The following IMMP2L variants were observed in gnomAD, a reference collection of about 807,000 sequenced individuals.
IMMP2L encodes the protein mitochondrial inner membrane protease subunit 2.
Under a neutral mutation model 19.3 loss-of-function variants are expected in IMMP2L, and 18 were observed. The ratio of observed to expected loss-of-function variants is 0.93; its 90% CI spans 0.64 to 1.38. IMMP2L has a LOEUF of 1.38. Among genes scored for constraint, IMMP2L ranks in the 40% most tolerant of loss-of-function variants. The pLI, the probability that IMMP2L is intolerant of heterozygous loss-of-function variation, is 0.00. For missense variants in IMMP2L, 233 were observed against 218.2 expected, an observed-to-expected ratio of 1.07 and a Z score of -0.43; for synonymous variants, 76 against 73.0, an observed-to-expected ratio of 1.04 and a Z score of -0.21.
intron 3 of IMMP2L, among the ~76,000 whole-genome samples, chr7:111,074,059 T>G (rs1795180600): frequency 6.6e-6 from 1 of 152,192 alleles, no homozygotes; most frequent in South Asian, 2.1e-4. Context: ...GGACTCTGCT[T>G]TGTTACCCAG....
chr7:111,396,758 G>T (rs536138668), intron 3 of IMMP2L, among the ~76,000 whole-genome samples: 1 of 152,210 alleles, frequency 6.6e-6, no homozygotes, highest in East Asian at 1.9e-4. Flanking sequence ...TCTGTAGTTT[G>T]TAACTTTTTC....
chr7:111,075,392 T>C (rs1795314733), intron 3 of IMMP2L, among the ~76,000 whole-genome samples: 1 of 152,126 alleles, frequency 6.6e-6, no homozygotes, highest in Admixed American at 6.6e-5. Flanking sequence ...CCTCCCAAAG[T>C]ACTGGGATTA....
In IMMP2L at chr7:111,129,481, T is replaced by C. The variant is rs554101416; in HGVS notation, c.240-165916A>G. Among the ~76,000 whole-genome samples the C allele has an allele frequency of 4.0e-5, 6 of 151,860 alleles. No individual in the cohort carries two copies. In the South Asian group the frequency reaches 1.2e-3, roughly 32 times the overall value. Reference sequence around the variant, plus strand: ...ATTTAAGGGTCCCAAAAGGATATTTTGCAATCAATTAAACAGAAAAGACTA... The same window carrying C: ...ATTTAAGGGTCCCAAAAGGATATTTCGCAATCAATTAAACAGAAAAGACTA... On this transcript the variant is annotated intron_variant, in intron 3 of 5. Transcript: ENST00000405709.
At chr7:111,418,523 C>T (rs899092862) in intron 3 of IMMP2L, among the ~76,000 whole-genome samples, 2 of 151,752 alleles carry the variant, frequency 1.3e-5, no homozygotes, top group East Asian at 1.9e-4. Context: ...GCCTTCGGTA[C>T]AAAAAGCTCA....
chr7:110,821,858 G>C (rs1803062983), intron 5 of IMMP2L, among the ~76,000 whole-genome samples: 1 of 152,160 alleles, frequency 6.6e-6, no homozygotes, highest in Non-Finnish European at 1.5e-5. Flanking sequence ...AGTAGGTGGA[G>C]GTTGCAGTGA....
intron 3 of IMMP2L, among the ~76,000 whole-genome samples, chr7:111,035,167 T>C (rs1791212231): frequency 1.3e-5 from 2 of 152,160 alleles, no homozygotes; most frequent in East Asian, 1.9e-4. Flanking sequence ...GTGGGTAGTT[T>C]TATTTAGACT....
intron 3 of IMMP2L, among the ~76,000 whole-genome samples, chr7:111,187,620 C>T (rs1001939425): frequency 6.6e-5 from 10 of 152,040 alleles, no homozygotes; most frequent in African/African-American, 2.4e-4. Context: ...AAGGAATGAA[C>T]GTTGTCATTA....
At chr7:110,893,052 A>G (rs1406054198) in intron 4 of IMMP2L, among the ~76,000 whole-genome samples, 1 of 152,142 alleles carries the variant, frequency 6.6e-6, no homozygotes, top group Non-Finnish European at 1.5e-5. Context: ...GACCACCTCA[A>G]TCAATAAATA....
chr7:111,458,230 T>C (rs888774410), intron 3 of IMMP2L, among the ~76,000 whole-genome samples: 6 of 151,934 alleles, frequency 3.9e-5, no homozygotes, highest in Non-Finnish European at 7.4e-5. Context: ...AAATACAATT[T>C]AGCTGGGCGT....
At chr7:111,098,301 T>C (rs1462162282) in intron 3 of IMMP2L, among the ~76,000 whole-genome samples, 1 of 151,834 alleles carries the variant, frequency 6.6e-6, no homozygotes, top group African/African-American at 2.4e-5. Context: ...AAGAGTTTCA[T>C]AAGGTGATGT....
At chr7:111,217,361 A>C (rs2129619902) in intron 3 of IMMP2L, among the ~76,000 whole-genome samples, 1 of 152,052 alleles carries the variant, frequency 6.6e-6, no homozygotes, top group South Asian at 2.1e-4. Flanking sequence ...CACCAGCACT[A>C]CTCCTAATAT....
At chr7:111,453,218 T>C (rs1335241783) in intron 3 of IMMP2L, among the ~76,000 whole-genome samples, 1 of 152,224 alleles carries the variant, frequency 6.6e-6, no homozygotes, top group African/African-American at 2.4e-5. Flanking sequence ...ACCTCATTTT[T>C]ATGGCATCCC....
intron 3 of IMMP2L, among the ~76,000 whole-genome samples, chr7:111,026,845 T>G (rs1362337748): frequency 2.0e-5 from 3 of 152,180 alleles, no homozygotes; most frequent in Non-Finnish European, 4.4e-5. Context: ...ACAGTTGTAG[T>G]GTAATGTGGG....
At chr7:110,904,131 C>T (rs563634657) in intron 4 of IMMP2L, among the ~76,000 whole-genome samples, 77 of 152,128 alleles carry the variant, frequency 5.1e-4, no homozygotes, top group African/African-American at 1.7e-3. Context: ...AGACTAACCC[C>T]GCATTTGTGG....
At chr7:111,550,293 G>A (rs1304358559) in intron 1 of IMMP2L, among the ~76,000 whole-genome samples, 1 of 152,118 alleles carries the variant, frequency 6.6e-6, no homozygotes, top group Non-Finnish European at 1.5e-5. Flanking sequence ...AGTTACCAGG[G>A]GTTAGGAGAA....
At chr7:110,684,766 G>A (rs58977137) in intron 5 of IMMP2L, among the ~76,000 whole-genome samples, 3,656 of 151,936 alleles carry the variant, frequency 0.024, 156 homozygotes, top group African/African-American at 0.082. Flanking sequence ...GCCCTCTCCC[G>A]GTGCTAAGAA....
At chr7:110,930,059 C>T (rs1001706223) in intron 4 of IMMP2L, among the ~76,000 whole-genome samples, 61 of 152,212 alleles carry the variant, frequency 4.0e-4, no homozygotes, top group African/African-American at 1.1e-3. Context: ...GTATACTGTG[C>T]TTAATCATTT....
At chr7:110,847,642 G>C (rs1016052100) in intron 5 of IMMP2L, among the ~76,000 whole-genome samples, 1 of 152,068 alleles carries the variant, frequency 6.6e-6, no homozygotes, top group Non-Finnish European at 1.5e-5. Flanking sequence ...AACATCAGAG[G>C]ACTGACATTA....
chr7:111,235,058 CT>C (rs1222136504), intron 3 of IMMP2L, among the ~76,000 whole-genome samples: 1 of 152,052 alleles, frequency 6.6e-6, no homozygotes, highest in South Asian at 2.1e-4. Context: ...GTCTGAAGAA[CT>C]TTTTTTAGCA....
Sources: gnomAD v4.1 joint callset for allele counts (sites outside exome capture counted in the v4.1 genomes callset) on GRCh38, gnomAD v4.1.1 for gene constraint, MANE v1.5 for transcripts, NCBI Gene and HGNC (gene_info 2026-07-23, HGNC 2026-07-21) for gene names.